Variants in UBE2L3 observed in about 807,000 individuals in gnomAD.
UBE2L3 encodes the protein ubiquitin conjugating enzyme E2 L3.
Under a neutral mutation model 17.8 loss-of-function variants are expected in UBE2L3, and 1 was observed. The ratio of observed to expected loss-of-function variants is 0.06; its 90% confidence interval spans 0.02 to 0.27. The LOEUF (loss-of-function observed/expected upper bound fraction) is 0.27. UBE2L3 is among the 10% of genes least tolerant of loss of function. The pLI is 1.00. For missense variants in UBE2L3, 40 were observed against 192.6 expected (o/e 0.21, Z 4.69); for synonymous variants, 44 against 68.5 (o/e 0.64, Z 1.76).
chr22:21,601,097 G>A (rs1928831220), intron 2 of UBE2L3, among the ~76,000 whole-genome samples: 1 of 152,026 alleles, frequency 6.6e-6, no homozygotes, highest in Non-Finnish European at 1.5e-5. Context: ...CTTGAACCCA[G>A]GAGGTGGAGG....
At chr22:21,606,912 G>C (rs1172603824) in intron 2 of UBE2L3, among the ~76,000 whole-genome samples, 1 of 152,150 alleles carries the variant, frequency 6.6e-6, no homozygotes, top group African/African-American at 2.4e-5. Flanking sequence ...AGTAGCCCTG[G>C]GGCCACACTG....
rs560322877 is a variant in UBE2L3 at position 21,559,307 on chromosome 22, C to T, written c.201+9657C>T. ...AGGTTACAGTGAGCTGAGGTTGTGC[C>T]ACTGCACTCCAGCCTGGGTGACAGA... On this transcript the variant is annotated intron_variant, in intron 1 of 3. Transcript: ENST00000458578. Among the ~76,000 whole-genome samples the T allele has an allele frequency of 1.3e-3, 200 of 151,346 alleles. 2 individuals carry two copies. Among genetic ancestry groups the T allele is most frequent in the African/African-American group, 4.5e-3 (183 of 40,786 alleles).
intron 2 of UBE2L3, among the ~76,000 whole-genome samples, chr22:21,594,513 C>CT (rs879434060): frequency 7.2e-4 from 104 of 143,472 alleles, no homozygotes; most frequent in Middle Eastern, 7.1e-3. Context: ...TAAGGTCATG[C>CT]TTTTTTTTTT....
At chr22:21,613,634 A>G (rs927682025) in intron 3 of UBE2L3, among the ~76,000 whole-genome samples, 6 of 152,284 alleles carry the variant, frequency 3.9e-5, no homozygotes, top group African/African-American at 1.4e-4. Flanking sequence ...AACCCCTATC[A>G]AAACTTTGTG....
rs530972263 is a variant in UBE2L3 at position 21,616,765 on chromosome 22, A to G, written c.311-4750A>G. 2.2e-4 allele frequency among the ~76,000 whole-genome samples: 33 copies of G among 151,006 alleles called. No individual in the cohort carries two copies. In the South Asian group the frequency reaches 2.5e-3, roughly 12 times the overall value. Reference sequence around the variant, plus strand: ...AACACCCCCCCCCTTTTTTTAAAGCACATTCCATGGAAGGCTACAACATTG... The same window carrying G: ...AACACCCCCCCCCTTTTTTTAAAGCGCATTCCATGGAAGGCTACAACATTG... On this transcript the variant is annotated intron_variant, in intron 3 of 3. Coordinates refer to ENST00000342192, the MANE Select transcript of UBE2L3 (RefSeq NM_003347.4).
rs577251679 is a variant in UBE2L3, at chr22:21,612,797, C to T, written c.310+1754C>T. ...TAGCTGGGATTACAGCCACCACGCT[C>T]GGCTAATTTTTGTATTTGTAGTAGA... On this transcript the variant is annotated intron_variant, in intron 3 of 3. Transcript: ENST00000342192. Among the ~76,000 whole-genome samples, 186 of 151,232 alleles carry T rather than the reference C, an allele frequency of 1.2e-3. 8 individuals are homozygous for T. In the South Asian group the frequency reaches 0.038, roughly 31 times the overall value.
At chr22:21,588,463 CTTT>C (rs1255043408) in intron 1 of UBE2L3, among the ~76,000 whole-genome samples, 2 of 103,326 alleles carry the variant, frequency 1.9e-5, no homozygotes, top group African/African-American at 3.9e-5. Flanking sequence ...TTTCTTCTTT[CTTT>C]TTTTTTTTTT....
At chr22:21,580,214 C>T (rs923221534) in intron 1 of UBE2L3, among the ~76,000 whole-genome samples, 3 of 152,140 alleles carry the variant, frequency 2.0e-5, no homozygotes, top group African/African-American at 7.2e-5. Flanking sequence ...AATTTCAGTG[C>T]AGGTTCTAGT....
At chr22:21,597,410 A>G (rs1928588947) in intron 2 of UBE2L3, among the ~76,000 whole-genome samples, 1 of 151,938 alleles carries the variant, frequency 6.6e-6, no homozygotes, top group Non-Finnish European at 1.5e-5. Context: ...GGGCTCAAGC[A>G]GTCTTCCCAA....
chr22:21,597,892 C>T (rs112003821), intron 2 of UBE2L3, among the ~76,000 whole-genome samples: 17 of 141,156 alleles, frequency 1.2e-4, no homozygotes, highest in African/African-American at 3.7e-4. Flanking sequence ...CAGGCTCAAG[C>T]GATCCTCCCA....
intron 1 of UBE2L3, among the ~76,000 whole-genome samples, chr22:21,555,886 C>T (rs1480497129): frequency 6.6e-6 from 1 of 152,266 alleles, no homozygotes; most frequent in Non-Finnish European, 1.5e-5. Context: ...GGGCTGAGAT[C>T]GTGCCATTGC....
At chr22:21,568,098 C>T (rs1926739220) in intron 1 of UBE2L3, 1 of 1,144,460 alleles carries the variant, frequency 8.7e-7, no homozygotes, top group East Asian at 4.8e-5. Context: ...AATGTGAGAG[C>T]CCGGTTGGGA....
intron 2 of UBE2L3, among the ~76,000 whole-genome samples, chr22:21,604,107 C>T (rs930738413): frequency 1.3e-4 from 20 of 151,926 alleles, no homozygotes; most frequent in Admixed American, 1.3e-3. Flanking sequence ...TAATTTACAT[C>T]TCAAATGACT....
intron 1 of UBE2L3, among the ~76,000 whole-genome samples, chr22:21,551,866 A>AACAC (rs1178845974): frequency 2.2e-3 from 8 of 3,620 alleles, no homozygotes; most frequent in East Asian, 5.8e-3. Context: ...CTGCAGAAGA[A>AACAC]ACACACACAC....
At chr22:21,565,327 C>G (rs908978683), upstream of UBE2L3, among the ~76,000 whole-genome samples, 1 of 151,568 alleles carries the variant, frequency 6.6e-6, no homozygotes, top group Non-Finnish European at 1.5e-5. Context: ...CTCCTGACCT[C>G]GTGATCCACC....
chr22:21,557,781 A>C (rs1388122834), intron 1 of UBE2L3, among the ~76,000 whole-genome samples: 3 of 152,262 alleles, frequency 2.0e-5, no homozygotes, highest in Admixed American at 6.5e-5. Context: ...TTGGCCTTCC[A>C]AAGTGCTGGG....
At chr22:21,576,398 C>T (rs988048853) in intron 1 of UBE2L3, among the ~76,000 whole-genome samples, 5 of 150,950 alleles carry the variant, frequency 3.3e-5, no homozygotes, top group Non-Finnish European at 5.9e-5. Flanking sequence ...CCCAGGTTCA[C>T]GCCATTCTTC....
chr22:21,565,754 CAAA>C (rs131662), upstream of UBE2L3, among the ~76,000 whole-genome samples: 63 of 30,278 alleles, frequency 2.1e-3, no homozygotes, highest in South Asian at 0.015. Context: ...AACTGTGTCT[CAAA>C]AAAAAAAAAA....
chr22:21,569,817 G>C (rs903859247), intron 1 of UBE2L3, among the ~76,000 whole-genome samples: 1 of 152,116 alleles, frequency 6.6e-6, no homozygotes, highest in African/African-American at 2.4e-5. Context: ...CCATTTTGTC[G>C]ATGAGAAAAG....
Sources: allele counts gnomAD v4.1 joint callset (sites outside exome capture counted in the v4.1 genomes callset), GRCh38; gene constraint gnomAD v4.1.1; transcripts MANE v1.5; gene names NCBI Gene and HGNC (gene_info 2026-07-23, HGNC 2026-07-21).